The following CNTNAP2 variants were observed in gnomAD, a reference collection of about 807,000 sequenced individuals.
The protein encoded by CNTNAP2 is contactin associated protein 2.
A neutral mutation model predicts 155.2 loss-of-function variants in CNTNAP2; 98 were observed. The observed-to-expected ratio is 0.63, with a 90% CI of 0.54 to 0.75. The LOEUF is 0.75. CNTNAP2 is among the 30% of genes least tolerant of loss of function. CNTNAP2 has a pLI of 0.00. For missense variants in CNTNAP2, 1,727 were observed against 1,688.1 expected (o/e 1.02, Z -0.40); for synonymous variants, 651 against 631.2 (o/e 1.03, Z -0.47).
At chr7:146,851,185 A>T (rs1426220743) in intron 3 of CNTNAP2, among the ~76,000 whole-genome samples, 1 of 151,976 alleles carries the variant, frequency 6.6e-6, no homozygotes. Flanking sequence ...GGGTTTTGCC[A>T]TATTGGCTAG....
chr7:146,160,880 C>A (rs894268602), intron 1 of CNTNAP2, among the ~76,000 whole-genome samples: 8 of 152,134 alleles, frequency 5.3e-5, no homozygotes, highest in Admixed American at 4.6e-4. Context: ...GATACCAAAG[C>A]CTGGCACAGA....
chr7:146,520,960 A>G (rs1007465849), intron 1 of CNTNAP2, among the ~76,000 whole-genome samples: 1 of 151,872 alleles, frequency 6.6e-6, no homozygotes, highest in Non-Finnish European at 1.5e-5. Context: ...TATATTCCCC[A>G]AAATGTATAT....
intron 13 of CNTNAP2, among the ~76,000 whole-genome samples, chr7:147,669,946 T>C (rs1383702818): frequency 1.3e-5 from 2 of 152,188 alleles, no homozygotes; most frequent in African/African-American, 4.8e-5. Flanking sequence ...TAATCCACGG[T>C]TCTGCTTTCT....
At chr7:147,239,497 G>A (rs1374293324) in intron 8 of CNTNAP2, among the ~76,000 whole-genome samples, 11 of 145,890 alleles carry the variant, frequency 7.5e-5, no homozygotes, top group African/African-American at 2.0e-4. Context: ...GCAATAGAGC[G>A]AGACTCCGTT....
chr7:146,176,649 T>C (rs575888957), intron 1 of CNTNAP2, among the ~76,000 whole-genome samples: 3 of 152,324 alleles, frequency 2.0e-5, no homozygotes, highest in East Asian at 3.9e-4. Context: ...ATACCTACTA[T>C]GCACCAAGCA....
At chr7:146,226,072 G>T (rs1420414388) in intron 1 of CNTNAP2, among the ~76,000 whole-genome samples, 2 of 152,088 alleles carry the variant, frequency 1.3e-5, no homozygotes, top group African/African-American at 4.8e-5. Flanking sequence ...CCATTTCTTA[G>T]AACAATTCCC....
At chr7:147,567,049 AAAT>A (rs1184420524) in intron 12 of CNTNAP2, among the ~76,000 whole-genome samples, 1 of 152,182 alleles carries the variant, frequency 6.6e-6, no homozygotes, top group African/African-American at 2.4e-5. Context: ...GACGTATGGC[AAAT>A]AATAGCCACT....
At chr7:146,296,672 G>A (rs984486928) in intron 1 of CNTNAP2, among the ~76,000 whole-genome samples, 2 of 151,902 alleles carry the variant, frequency 1.3e-5, no homozygotes, top group Non-Finnish European at 2.9e-5. Flanking sequence ...TTTTTGCTTT[G>A]TCCTGGTAAT....
chr7:146,658,829 C>T (rs73166333), intron 1 of CNTNAP2, among the ~76,000 whole-genome samples: 4,853 of 152,200 alleles, frequency 0.032, 110 homozygotes, highest in South Asian at 0.042. Context: ...GTCGAGAAAA[C>T]GAATGCCTCT....
intron 10 of CNTNAP2, among the ~76,000 whole-genome samples, chr7:147,469,473 C>T (rs1241701872): frequency 6.8e-6 from 1 of 147,194 alleles, no homozygotes; most frequent in Non-Finnish European, 1.5e-5. Flanking sequence ...AACAAAGAAA[C>T]GGCAGGGCAG....
chr7:148,175,698 T>C (rs1469589705), intron 18 of CNTNAP2, among the ~76,000 whole-genome samples: 1 of 152,046 alleles, frequency 6.6e-6, no homozygotes, highest in Non-Finnish European at 1.5e-5. Context: ...GGACCCAAAA[T>C]AGCCCAGGTC....
intron 14 of CNTNAP2, among the ~76,000 whole-genome samples, chr7:147,915,211 C>T (rs1800138565): frequency 6.6e-6 from 1 of 152,220 alleles, no homozygotes; most frequent in African/African-American, 2.4e-5. Context: ...ACTGGCTCTC[C>T]TGGCCCCAAT....
chr7:147,273,716 C>T (rs770169303), intron 8 of CNTNAP2, among the ~76,000 whole-genome samples: 6 of 145,706 alleles, frequency 4.1e-5, no homozygotes, highest in Non-Finnish European at 6.0e-5. Context: ...CATAGTATTT[C>T]ATCATTTTAT....
chr7:146,636,813 A>G (rs1799607030), intron 1 of CNTNAP2, among the ~76,000 whole-genome samples: 1 of 152,184 alleles, frequency 6.6e-6, no homozygotes, highest in South Asian at 2.1e-4. Context: ...TTGTATAGAA[A>G]ATGTTAGGCG....
rs76110048 is a variant in CNTNAP2, at chr7:148,321,188, C to T, written c.3475+54062C>T. Among the ~76,000 whole-genome samples, 193 of 151,952 alleles carry T rather than the reference C, an allele frequency of 1.3e-3. 4 individuals are homozygous for T. In the East Asian group the frequency reaches 0.031, roughly 25 times the overall value. The stretch of plus-strand genomic sequence containing the variant: ...GGAATTTAGACTTTTATTTGGTAGG[C>T]AGTGGAGAGATGTTGAATTTTTTTT... On this transcript the variant is annotated intron_variant, in intron 21 of 23. Coordinates refer to ENST00000361727, the MANE Select transcript of CNTNAP2 (RefSeq NM_014141.6).
intron 8 of CNTNAP2, among the ~76,000 whole-genome samples, chr7:147,299,209 C>T (rs924335264): frequency 2.1e-5 from 3 of 144,442 alleles, no homozygotes; most frequent in African/African-American, 7.6e-5. Flanking sequence ...CTCTGCTACC[C>T]AGTGTTAAAC....
chr7:148,247,643 A>ATTTTT (rs1563010572), intron 20 of CNTNAP2, among the ~76,000 whole-genome samples: 1 of 129,720 alleles, frequency 7.7e-6, no homozygotes, highest in African/African-American at 3.1e-5. Context: ...TTATTTATTT[A>ATTTTT]TTTATTTATT....
At chr7:147,327,687 A>G (rs1358981460) in intron 9 of CNTNAP2, among the ~76,000 whole-genome samples, 1 of 152,174 alleles carries the variant, frequency 6.6e-6, no homozygotes, top group Non-Finnish European at 1.5e-5. Context: ...TGTTATTTAT[A>G]AGAACAAGAG....
chr7:146,947,243 T>A (rs1467450943), intron 3 of CNTNAP2, among the ~76,000 whole-genome samples: 2 of 151,500 alleles, frequency 1.3e-5, no homozygotes, highest in East Asian at 3.9e-4. Flanking sequence ...TCTGCTAAAG[T>A]GGTGGTGTAC....
Sources: allele counts gnomAD v4.1 joint callset (sites outside exome capture counted in the v4.1 genomes callset), GRCh38; gene constraint gnomAD v4.1.1; transcripts MANE v1.5; gene names NCBI Gene and HGNC (gene_info 2026-07-23, HGNC 2026-07-21).